NALF1: variants seen among roughly 807,000 people sequenced by gnomAD.
NALF1 encodes family with sequence similarity 155 member A.
Under a neutral mutation model 48.4 loss-of-function variants are expected in NALF1, and 3 were observed. That is an observed-to-expected ratio of 0.06 (90% CI 0.03 to 0.16). The LOEUF (loss-of-function observed/expected upper bound fraction) is 0.16. Among genes scored for constraint, NALF1 ranks in the 10% least tolerant of loss-of-function variants. The pLI is 1.00. For synonymous variants in NALF1, 262 were observed against 245.7 expected (o/e 1.07, Z -0.62); for missense variants, 526 against 571.5 (o/e 0.92, Z 0.81).
At chr13:107,308,217 T>TC (rs1881976720) in intron 1 of NALF1, among the ~76,000 whole-genome samples, 1 of 144,950 alleles carries the variant, frequency 6.9e-6, no homozygotes, top group Non-Finnish European at 1.5e-5. Flanking sequence ...TTTTTTTTTT[T>TC]TTTAGACAGA....
At chr13:107,330,282 A>T (rs1002758598) in intron 1 of NALF1, among the ~76,000 whole-genome samples, 2 of 152,222 alleles carry the variant, frequency 1.3e-5, no homozygotes, top group African/African-American at 4.8e-5. Context: ...AACGTTGTCT[A>T]CTTGATGTCC....
At chr13:107,806,985 T>A (rs1878810206) in intron 1 of NALF1, among the ~76,000 whole-genome samples, 1 of 152,156 alleles carries the variant, frequency 6.6e-6, no homozygotes, top group South Asian at 2.1e-4. Flanking sequence ...ATTTTCTATT[T>A]TGGTGAATTC....
rs1452953370 is a variant in NALF1, at chr13:107,168,997, GTTT to G, written c.*1497_*1499del. On this transcript the variant is annotated 3_prime_UTR_variant, in exon 3 of 3. Transcript: ENST00000375915. Reference sequence around the variant, plus strand: ...AATTATTTGTTTTGTTTGTTTGTTTGTTTTTTTAAAAACAGCCCTTATTAACTC... The same window carrying G: ...AATTATTTGTTTTGTTTGTTTGTTTGTTTTAAAAACAGCCCTTATTAACTC... 2 of 151,828 alleles carry G rather than the reference GTTT, an allele frequency of 1.3e-5. No individual in the cohort carries two copies. The highest frequency in any genetic ancestry group is 4.9e-5 in the African/African-American group (2 of 41,216). 9.4% of individuals were successfully genotyped at this position (151,828 alleles called of 1,614,324 possible). A position where few individuals can be genotyped will look rare whatever the true frequency, so the allele number is the denominator to read the frequency against.
chr13:107,243,865 C>T (rs966200399), intron 1 of NALF1, among the ~76,000 whole-genome samples: 2 of 152,124 alleles, frequency 1.3e-5, no homozygotes, highest in Non-Finnish European at 2.9e-5. Context: ...CCATTGGATT[C>T]CATGCTGTGA....
intron 1 of NALF1, among the ~76,000 whole-genome samples, chr13:107,408,093 T>C (rs897798005): frequency 1.3e-5 from 2 of 151,894 alleles, no homozygotes; most frequent in Non-Finnish European, 2.9e-5. Flanking sequence ...GGTAGAAAGA[T>C]GGTTACCAGA....
intron 1 of NALF1, among the ~76,000 whole-genome samples, chr13:107,832,100 A>G (rs550612571): frequency 5.9e-5 from 9 of 152,284 alleles, no homozygotes; most frequent in Non-Finnish European, 1.2e-4. Flanking sequence ...TACTGAAACC[A>G]AAACTGTGAC....
chr13:107,553,550 T>C (rs1877362006), intron 1 of NALF1, among the ~76,000 whole-genome samples: 1 of 152,220 alleles, frequency 6.6e-6, no homozygotes, highest in South Asian at 2.1e-4. Context: ...ACTATAGATT[T>C]TTATGATCTA....
intron 1 of NALF1, among the ~76,000 whole-genome samples, chr13:107,304,265 A>G (rs1025517629): frequency 1.3e-5 from 2 of 152,202 alleles, no homozygotes; most frequent in Non-Finnish European, 2.9e-5. Flanking sequence ...GAATATACAC[A>G]TGTAAGTCCT....
chr13:107,503,514 G>A (rs1205919254), intron 1 of NALF1, among the ~76,000 whole-genome samples: 1 of 152,096 alleles, frequency 6.6e-6, no homozygotes, highest in Non-Finnish European at 1.5e-5. Flanking sequence ...ACGTCAATTG[G>A]TACAGTGATT....
chr13:107,665,679 T>C (rs1247353457), intron 1 of NALF1, among the ~76,000 whole-genome samples: 2 of 152,124 alleles, frequency 1.3e-5, no homozygotes, highest in East Asian at 3.9e-4. Flanking sequence ...GACATGTTTG[T>C]GTCTTGTAAG....
chr13:107,806,514 A>G (rs1878795630), intron 1 of NALF1, among the ~76,000 whole-genome samples: 1 of 152,110 alleles, frequency 6.6e-6, no homozygotes, highest in Admixed American at 6.6e-5. Context: ...TGAGCTTTGA[A>G]CAGCAAGGGA....
At chr13:107,367,968 TATG>T (rs1480550595) in intron 1 of NALF1, among the ~76,000 whole-genome samples, 1 of 152,216 alleles carries the variant, frequency 6.6e-6, no homozygotes, top group African/African-American at 2.4e-5. Flanking sequence ...TGTGGTTCTT[TATG>T]ATAATAAAAG....
At chr13:107,428,428 C>T (rs1019001343) in intron 1 of NALF1, among the ~76,000 whole-genome samples, 5 of 152,158 alleles carry the variant, frequency 3.3e-5, no homozygotes, top group Admixed American at 6.5e-5. Context: ...AATGTGGATT[C>T]ATTAACATAT....
intron 1 of NALF1, among the ~76,000 whole-genome samples, chr13:107,342,398 A>T (rs1213340286): frequency 6.6e-6 from 1 of 152,234 alleles, no homozygotes; most frequent in Non-Finnish European, 1.5e-5. Flanking sequence ...TTAAAATGTT[A>T]CAAAACATGA....
rs374286698 is a variant in NALF1 at position 107,395,799 on chromosome 13, G to A, written c.916-185044C>T. Among the ~76,000 whole-genome samples the A allele has an allele frequency of 5.9e-5, 9 of 152,022 alleles. No homozygotes were observed. In the South Asian group the frequency reaches 1.0e-3, roughly 18 times the overall value. ...GGCCGTCTTCTCTCCATGTTTTCAC[G>A]TAATTTTCCCTCTGTATGTGTCTGT... On this transcript the variant is annotated intron_variant, in intron 1 of 2. Transcript: ENST00000375915.
intron 1 of NALF1, among the ~76,000 whole-genome samples, chr13:107,515,627 C>G (rs750453673): frequency 6.6e-6 from 1 of 152,118 alleles, no homozygotes; most frequent in African/African-American, 2.4e-5. Context: ...GGTATTCTTA[C>G]GCATGTATTC....
chr13:107,696,236 A>G (rs753193040), intron 1 of NALF1, among the ~76,000 whole-genome samples: 1 of 152,192 alleles, frequency 6.6e-6, no homozygotes, highest in Non-Finnish European at 1.5e-5. Flanking sequence ...TTTGCTAGTC[A>G]TCTTTGAGAT....
intron 1 of NALF1, among the ~76,000 whole-genome samples, chr13:107,492,063 G>T (rs1875152141): frequency 8.2e-6 from 1 of 122,156 alleles, no homozygotes; most frequent in African/African-American, 3.4e-5. Context: ...TTTTTGGTGA[G>T]GCAGAGTATC....
chr13:107,444,824 G>C (rs1371346108), intron 1 of NALF1, among the ~76,000 whole-genome samples: 2 of 152,084 alleles, frequency 1.3e-5, no homozygotes, highest in Admixed American at 6.6e-5. Context: ...ACATATAATA[G>C]TGTAATTATC....
Sources: gnomAD v4.1 joint callset for allele counts (sites outside exome capture counted in the v4.1 genomes callset) on GRCh38, gnomAD v4.1.1 for gene constraint, MANE v1.5 for transcripts, NCBI Gene and HGNC (gene_info 2026-07-23, HGNC 2026-07-21) for gene names.